SLC24A2: variants seen among roughly 807,000 people sequenced by gnomAD.
SLC24A2 encodes sodium/potassium/calcium exchanger 2.
A neutral mutation model predicts 62.0 loss-of-function variants in SLC24A2; 36 were observed. The observed-to-expected ratio is 0.58, with a 90% CI of 0.44 to 0.77. SLC24A2 has a LOEUF of 0.77. Among genes scored for constraint, SLC24A2 ranks in the 30% least tolerant of loss-of-function variants. The pLI is 0.00. For synonymous variants in SLC24A2, 358 were observed against 294.0 expected, an observed-to-expected ratio of 1.22 and a Z score of -2.23; for missense variants, 846 against 817.9, an observed-to-expected ratio of 1.03 and a Z score of -0.42.
intron 2 of SLC24A2, among the ~76,000 whole-genome samples, chr9:19,721,907 C>T (rs958008447): frequency 5.9e-5 from 9 of 152,050 alleles, no homozygotes; most frequent in Non-Finnish European, 8.8e-5. Flanking sequence ...AGGTTCATTG[C>T]TTTTTTTCAG....
the SLC24A2 span, among the ~76,000 whole-genome samples, chr9:20,084,070 C>A: frequency 1.3e-5 from 2 of 152,154 alleles, no homozygotes; most frequent in Non-Finnish European, 2.9e-5. Context: ...CATTAGGCAG[C>A]AGATCTTGGC....
rs1327717718 is a variant in SLC24A2 at position 19,622,272 on chromosome 9, G to C, written c.958C>G (p.Pro320Ala). 4.3e-6 allele frequency: 7 copies of C among 1,613,038 alleles called. No individual in the cohort carries two copies. Among genetic ancestry groups the C allele is most frequent in the Non-Finnish European group, 5.1e-6 (6 of 1,179,306 alleles). ...KPSAARDKDEPTLPAKPRLQR... is the reference protein window; with the variant it reads ...KPSAARDKDEATLPAKPRLQR... ...CCACTGCTTCCTACCGGTAGAGTTG[G>C]TTCATCCTTGTCCCTGGCTGCAGAT... is the stretch of plus-strand genomic sequence containing the variant. The change falls in exon 3 of 11, where the codon CCA becomes GCA. Residue 320 changes from proline (P) to alanine (A), a missense_variant. Transcript: ENST00000341998.
At chr9:20,058,121 G>C in the SLC24A2 span, among the ~76,000 whole-genome samples, 1 of 152,212 alleles carries the variant, frequency 6.6e-6, no homozygotes, top group African/African-American at 2.4e-5. Context: ...ATGATGGAAA[G>C]AGGGCAGTTA....
chr9:19,814,467 A>G, the SLC24A2 span, among the ~76,000 whole-genome samples: 1 of 151,980 alleles, frequency 6.6e-6, no homozygotes, highest in East Asian at 1.9e-4. Flanking sequence ...AAATCATCCA[A>G]CTCTCTATGT....
At chr9:19,551,036 G>A (rs1340900813) in intron 7 of SLC24A2, among the ~76,000 whole-genome samples, 1 of 152,046 alleles carries the variant, frequency 6.6e-6, no homozygotes. Flanking sequence ...GCTAGCTACG[G>A]TCACCCTAGT....
At chr9:19,618,995 T>G (rs1456933593) in intron 4 of SLC24A2, among the ~76,000 whole-genome samples, 3 of 152,208 alleles carry the variant, frequency 2.0e-5, no homozygotes, top group Non-Finnish European at 4.4e-5. Context: ...TTCATGTGAT[T>G]ACACTGGGAA....
chr9:20,121,434 A>G, the SLC24A2 span, among the ~76,000 whole-genome samples: 2 of 152,142 alleles, frequency 1.3e-5, no homozygotes, highest in Non-Finnish European at 2.9e-5. Flanking sequence ...TTTAAAGGCC[A>G]AAAAGTTTAT....
At chr9:20,160,625 T>C in the SLC24A2 span, among the ~76,000 whole-genome samples, 1 of 151,142 alleles carries the variant, frequency 6.6e-6, no homozygotes, top group African/African-American at 2.4e-5. Context: ...AAAAAAACCA[T>C]TTCATGTAAA....
the SLC24A2 span, among the ~76,000 whole-genome samples, chr9:19,836,346 A>G: frequency 6.6e-6 from 1 of 152,218 alleles, no homozygotes; most frequent in Non-Finnish European, 1.5e-5. Flanking sequence ...CTAATAAAGA[A>G]GAAAAGAGAG....
chr9:19,758,550 C>T (rs1822216116), intron 2 of SLC24A2, among the ~76,000 whole-genome samples: 1 of 152,084 alleles, frequency 6.6e-6, no homozygotes, highest in South Asian at 2.1e-4. Flanking sequence ...AAAAAACCCC[C>T]TAAGAATTAG....
chr9:19,519,456 T>G (rs1398601377), intron 10 of SLC24A2, among the ~76,000 whole-genome samples: 1 of 152,146 alleles, frequency 6.6e-6, no homozygotes, highest in African/African-American at 2.4e-5. Context: ...CTATTATTTT[T>G]TACAAGAGAT....
the SLC24A2 span, among the ~76,000 whole-genome samples, chr9:19,974,183 G>A: frequency 6.6e-6 from 1 of 152,004 alleles, no homozygotes; most frequent in Non-Finnish European, 1.5e-5. Flanking sequence ...CCACTCTATA[G>A]AATTTAATTA....
At chr9:19,644,124 A>T (rs1021605634) in intron 2 of SLC24A2, among the ~76,000 whole-genome samples, 1 of 152,218 alleles carries the variant, frequency 6.6e-6, no homozygotes, top group African/African-American at 2.4e-5. Context: ...CTCCCATTGA[A>T]AGGAAAAGAT....
At chr9:20,058,123 G>C in the SLC24A2 span, among the ~76,000 whole-genome samples, 4 of 152,166 alleles carry the variant, frequency 2.6e-5, no homozygotes, top group African/African-American at 4.8e-5. Flanking sequence ...GATGGAAAGA[G>C]GGCAGTTAAC....
the SLC24A2 span, among the ~76,000 whole-genome samples, chr9:20,112,818 C>G: frequency 6.6e-6 from 1 of 151,840 alleles, no homozygotes; most frequent in East Asian, 1.9e-4. Context: ...TCTACCCTCA[C>G]CAGCCACCCC....
chr9:19,824,061 T>C, the SLC24A2 span, among the ~76,000 whole-genome samples: 2 of 152,008 alleles, frequency 1.3e-5, no homozygotes, highest in African/African-American at 4.8e-5. Flanking sequence ...TCTAAAACCA[T>C]AAAAACCCTA....
the SLC24A2 span, among the ~76,000 whole-genome samples, chr9:20,149,163 A>T: frequency 6.6e-6 from 1 of 151,980 alleles, no homozygotes; most frequent in Non-Finnish European, 1.5e-5. Flanking sequence ...TGAGAAACTC[A>T]TCTAGTCCAG....
the SLC24A2 span, among the ~76,000 whole-genome samples, chr9:20,112,664 G>T: frequency 1.3e-5 from 2 of 152,084 alleles, no homozygotes. Context: ...TGCCTAGATG[G>T]ACATTCTGTA....
At chr9:19,535,743 T>G (rs182266323) in intron 8 of SLC24A2, among the ~76,000 whole-genome samples, 1 of 152,152 alleles carries the variant, frequency 6.6e-6, no homozygotes, top group African/African-American at 2.4e-5. Context: ...CCATGCTGTT[T>G]TGGTTACGGT....
Sources: allele counts gnomAD v4.1 joint callset (sites outside exome capture counted in the v4.1 genomes callset), GRCh38; gene constraint gnomAD v4.1.1; transcripts MANE v1.5; gene names NCBI Gene and HGNC (gene_info 2026-07-23, HGNC 2026-07-21).